The following CADM2 variants were observed in gnomAD, a reference collection of about 807,000 sequenced individuals.
CADM2 encodes cell adhesion molecule 2.
Under a neutral mutation model 49.8 loss-of-function variants are expected in CADM2, and 12 were observed. The observed-to-expected ratio is 0.24, with a 90% CI of 0.15 to 0.39. The LOEUF (loss-of-function observed/expected upper bound fraction) is 0.39. Among genes scored for constraint, CADM2 ranks in the 10% least tolerant of loss-of-function variants. The probability of loss-of-function intolerance (pLI) is 1.00; values close to 1 mark genes in which losing one functional copy is unlikely to be tolerated. For missense variants in CADM2, 378 were observed against 492.3 expected, an observed-to-expected ratio of 0.77 and a Z score of 2.20; for synonymous variants, 214 against 175.4, an observed-to-expected ratio of 1.22 and a Z score of -1.74.
chr3:85,869,926 G>A (rs2075859499), intron 3 of CADM2, among the ~76,000 whole-genome samples: 1 of 152,192 alleles, frequency 6.6e-6, no homozygotes, highest in Admixed American at 6.5e-5. Flanking sequence ...CTCCCAAAGT[G>A]CTGGGATTAC....
At chr3:85,291,520 G>C (rs903104707) in intron 1 of CADM2, among the ~76,000 whole-genome samples, 5 of 147,516 alleles carry the variant, frequency 3.4e-5, no homozygotes, top group African/African-American at 1.3e-4. Flanking sequence ...AGGAAAAAAT[G>C]TTAAGGGCAG....
intron 1 of CADM2, among the ~76,000 whole-genome samples, chr3:85,604,223 A>G (rs1383082857): frequency 6.6e-6 from 1 of 151,880 alleles, no homozygotes; most frequent in East Asian, 1.9e-4. Context: ...TACACAGGGA[A>G]CTAGGCAGAG....
chr3:85,294,537 C>A (rs979353947), intron 1 of CADM2, among the ~76,000 whole-genome samples: 89 of 152,076 alleles, frequency 5.9e-4, no homozygotes, highest in Non-Finnish European at 5.4e-4. Context: ...TGACTTCAAA[C>A]TATACTACAA....
At chr3:85,907,829 T>A (rs1388116587) in intron 5 of CADM2, among the ~76,000 whole-genome samples, 3 of 151,718 alleles carry the variant, frequency 2.0e-5, no homozygotes, top group African/African-American at 7.3e-5. Context: ...GAGAATCACT[T>A]GAACCTGAGA....
At chr3:85,480,004 T>G (rs2039143599) in intron 1 of CADM2, among the ~76,000 whole-genome samples, 1 of 151,794 alleles carries the variant, frequency 6.6e-6, no homozygotes, top group Non-Finnish European at 1.5e-5. Flanking sequence ...TTTATACTAT[T>G]TTTTTTAAAC....
chr3:85,142,060 C>G (rs1050781265), intron 1 of CADM2, among the ~76,000 whole-genome samples: 1 of 152,218 alleles, frequency 6.6e-6, no homozygotes, highest in Admixed American at 6.5e-5. Context: ...CAAAGGAAAT[C>G]ACATAGTTAC....
chr3:85,941,033 C>T (rs918514487), intron 7 of CADM2, among the ~76,000 whole-genome samples: 2 of 151,962 alleles, frequency 1.3e-5, no homozygotes, highest in African/African-American at 4.8e-5. Flanking sequence ...ACACCAAAGT[C>T]CAATGTTTAC....
chr3:85,349,667 G>A (rs2031133125), intron 1 of CADM2, among the ~76,000 whole-genome samples: 1 of 152,128 alleles, frequency 6.6e-6, no homozygotes, highest in Non-Finnish European at 1.5e-5. Context: ...GACTTACTCT[G>A]CAGATATCAC....
At chr3:86,066,032 C>T (rs1739267795) in intron 9 of CADM2, among the ~76,000 whole-genome samples, 2 of 151,860 alleles carry the variant, frequency 1.3e-5, no homozygotes, top group Non-Finnish European at 2.9e-5. Flanking sequence ...CCAACTATAA[C>T]TATTTGGTTG....
At chr3:85,090,591 A>C (rs1041875327) in intron 1 of CADM2, among the ~76,000 whole-genome samples, 3 of 152,120 alleles carry the variant, frequency 2.0e-5, no homozygotes, top group African/African-American at 7.2e-5. Flanking sequence ...TCTCCAACCA[A>C]AGAACCGTTA....
At chr3:85,705,209 A>G (rs2066905379) in intron 1 of CADM2, among the ~76,000 whole-genome samples, 4 of 145,908 alleles carry the variant, frequency 2.7e-5, no homozygotes, top group African/African-American at 1.0e-4. Flanking sequence ...GTAAATTATA[A>G]TGGGGTTCAA....
intron 1 of CADM2, among the ~76,000 whole-genome samples, chr3:85,479,116 T>C (rs564457115): frequency 1.3e-5 from 2 of 151,858 alleles, no homozygotes; most frequent in Admixed American, 6.6e-5. Flanking sequence ...GCTAAATTTT[T>C]ATTATTTATT....
chr3:85,675,740 T>C (rs59645986), intron 1 of CADM2, among the ~76,000 whole-genome samples: 1,959 of 152,316 alleles, frequency 0.013, 54 homozygotes, highest in African/African-American at 0.045. Context: ...GCAGATGTCA[T>C]TCATTAATCA....
At chr3:85,872,742 G>T (rs2075977375) in intron 3 of CADM2, among the ~76,000 whole-genome samples, 1 of 148,774 alleles carries the variant, frequency 6.7e-6, no homozygotes, top group Non-Finnish European at 1.5e-5. Context: ...ATATAATTTA[G>T]ATACATTCAG....
chr3:84,994,272 A>T (rs1457645886), intron 1 of CADM2, among the ~76,000 whole-genome samples: 1 of 152,184 alleles, frequency 6.6e-6, no homozygotes, highest in East Asian at 1.9e-4. Context: ...ATATATTTTC[A>T]CCAATTTTTG....
At chr3:85,242,027 T>C (rs558005182) in intron 1 of CADM2, among the ~76,000 whole-genome samples, 2 of 151,270 alleles carry the variant, frequency 1.3e-5, no homozygotes, top group African/African-American at 4.8e-5. Context: ...ACATCTTATT[T>C]CTTATAAGAT....
At chr3:85,098,786 G>T (rs1477597305) in intron 1 of CADM2, among the ~76,000 whole-genome samples, 1 of 152,156 alleles carries the variant, frequency 6.6e-6, no homozygotes, top group Non-Finnish European at 1.5e-5. Context: ...CGCACCTCGT[G>T]AATGCTGTAT....
intron 1 of CADM2, among the ~76,000 whole-genome samples, chr3:85,672,355 A>G (rs1182498552): frequency 1.3e-5 from 2 of 151,638 alleles, no homozygotes; most frequent in African/African-American, 2.4e-5. Flanking sequence ...ACCACGCCTG[A>G]CTAATTTTTT....
chr3:85,761,219 C>T lies in CADM2; in HGVS notation c.88+34671C>T, dbSNP rs141101870. Among the ~76,000 whole-genome samples, 381 of 152,000 alleles carry T rather than the reference C, an allele frequency of 2.5e-3. 1 individual carries two copies. Among genetic ancestry groups the T allele is most frequent in the African/African-American group, 8.7e-3 (360 of 41,448 alleles). ...TGGGACATAAATAGGGATGGAAACCCGTTTTCTAGACACTCTAACACACAT... is the reference window on the plus strand; with the variant it reads ...TGGGACATAAATAGGGATGGAAACCTGTTTTCTAGACACTCTAACACACAT... On this transcript the variant is annotated intron_variant, in intron 2 of 9. Transcript: ENST00000383699.
Sources: gnomAD v4.1 joint callset for allele counts (sites outside exome capture counted in the v4.1 genomes callset) on GRCh38, gnomAD v4.1.1 for gene constraint, MANE v1.5 for transcripts, NCBI Gene and HGNC (gene_info 2026-07-23, HGNC 2026-07-21) for gene names.